Variants in MECOM observed in about 807,000 individuals in gnomAD.
MECOM encodes the protein histone-lysine N-methyltransferase MECOM.
MECOM carries 13 observed loss-of-function variants against 116.3 expected under a neutral mutation model. The observed-to-expected ratio is 0.11, with a 90% CI of 0.07 to 0.18. The LOEUF (loss-of-function observed/expected upper bound fraction) is 0.18, where lower values mean the gene tolerates loss of function less well. Among genes scored for constraint, MECOM ranks in the 10% least tolerant of loss-of-function variants. MECOM has a pLI of 1.00. For synonymous variants in MECOM, 528 were observed against 535.2 expected (o/e 0.99, Z 0.19); for missense variants, 1,299 against 1,509.0 (o/e 0.86, Z 2.31).
intron 2 of MECOM, among the ~76,000 whole-genome samples, chr3:169,167,210 C>T (rs1743734060): frequency 6.6e-6 from 1 of 152,172 alleles, no homozygotes; most frequent in African/African-American, 2.4e-5. Context: ...TTGTTTGTTT[C>T]ATAGTGGCTT....
At chr3:169,627,094 C>T (rs1044198881) in intron 1 of MECOM, among the ~76,000 whole-genome samples, 1 of 152,178 alleles carries the variant, frequency 6.6e-6, no homozygotes. Context: ...AAACAAATTA[C>T]AGCAGTCAAA....
chr3:169,159,491 A>G (rs533107545), intron 2 of MECOM, among the ~76,000 whole-genome samples: 35 of 152,240 alleles, frequency 2.3e-4, no homozygotes, highest in Admixed American at 2.2e-3. Context: ...CCCGGGAGGC[A>G]GAAGTTGCGG....
chr3:169,170,324 C>T (rs76272256), intron 2 of MECOM, among the ~76,000 whole-genome samples: 22,431 of 150,042 alleles, frequency 0.15, 2,024 homozygotes, highest in East Asian at 0.41. Flanking sequence ...GGAGAATCCC[C>T]TGAACCCGGG....
intron 2 of MECOM, among the ~76,000 whole-genome samples, chr3:169,198,848 G>T (rs147858770): frequency 6.6e-6 from 1 of 151,782 alleles, no homozygotes; most frequent in Non-Finnish European, 1.5e-5. Flanking sequence ...AGTGTGCTAC[G>T]GTAACAAATA....
At chr3:169,278,780 C>T (rs893069666) in intron 2 of MECOM, among the ~76,000 whole-genome samples, 6 of 152,344 alleles carry the variant, frequency 3.9e-5, no homozygotes, top group East Asian at 3.9e-4. Context: ...TGATGCATGA[C>T]GAACTCAAGC....
chr3:169,602,385 T>C (rs982672129), intron 1 of MECOM, among the ~76,000 whole-genome samples: 1 of 152,186 alleles, frequency 6.6e-6, no homozygotes, highest in Non-Finnish European at 1.5e-5. Flanking sequence ...GCCTTTATGC[T>C]CAAATAGTAT....
chr3:169,601,091 A>T (rs1050875581), intron 1 of MECOM, among the ~76,000 whole-genome samples: 2 of 152,232 alleles, frequency 1.3e-5, no homozygotes, highest in Non-Finnish European at 2.9e-5. Context: ...TACATGTACC[A>T]TGAAAGCCAG....
chr3:169,172,407 A>ATG (rs5854312), intron 2 of MECOM, among the ~76,000 whole-genome samples: 26,416 of 144,158 alleles, frequency 0.18, 2,561 homozygotes, highest in African/African-American at 0.28. Flanking sequence ...GTACCCTTGT[A>ATG]TGTGTGTGTG....
intron 2 of MECOM, among the ~76,000 whole-genome samples, chr3:169,271,126 G>A (rs372206964): frequency 6.6e-6 from 1 of 152,096 alleles, no homozygotes; most frequent in East Asian, 1.9e-4. Flanking sequence ...GCACCACTAA[G>A]GTTGCAGTTA....
chr3:169,478,895 T>C (rs1163248096), intron 1 of MECOM, among the ~76,000 whole-genome samples: 1 of 152,226 alleles, frequency 6.6e-6, no homozygotes, highest in Non-Finnish European at 1.5e-5. Flanking sequence ...GTTATTGATG[T>C]GGAACACAGT....
At chr3:169,090,291 A>T in intron 14 of MECOM, 55 bp from the exon 15 acceptor site, 1 of 1,488,258 alleles carries the variant, frequency 6.7e-7, no homozygotes, top group Non-Finnish European at 9.1e-7. Context: ...TTAAAATTGT[A>T]ATTTGTTCCT....
chr3:169,626,392 A>G (rs1349697283), intron 1 of MECOM, among the ~76,000 whole-genome samples: 2 of 152,230 alleles, frequency 1.3e-5, no homozygotes, highest in Non-Finnish European at 2.9e-5. Context: ...AGCAGAAGGT[A>G]CCCTGTTGCT....
chr3:169,325,636 A>G (rs1297136287), intron 2 of MECOM, among the ~76,000 whole-genome samples: 1 of 152,248 alleles, frequency 6.6e-6, no homozygotes, highest in African/African-American at 2.4e-5. Context: ...AATGCACTGT[A>G]TCAACTAACA....
intron 2 of MECOM, chr3:169,147,571 T>A (rs749684174): frequency 3.5e-5 from 34 of 985,252 alleles, no homozygotes; most frequent in Non-Finnish European, 4.1e-5. Flanking sequence ...CCAAGTCCTA[T>A]AGGGACAGAC....
At chr3:169,210,229 T>C (rs949750427) in intron 2 of MECOM, among the ~76,000 whole-genome samples, 3 of 152,052 alleles carry the variant, frequency 2.0e-5, no homozygotes, top group African/African-American at 7.2e-5. Flanking sequence ...TAAGCTAATG[T>C]ATGTGGGGCT....
chr3:169,401,384 C>T (rs183671557), intron 1 of MECOM, among the ~76,000 whole-genome samples: 76 of 151,484 alleles, frequency 5.0e-4, no homozygotes, highest in Non-Finnish European at 7.1e-4. Context: ...AGAGTTCTGA[C>T]CATTAATCGT....
chr3:169,145,140 T>C, intron 2 of MECOM: 2 of 666,690 alleles, frequency 3.0e-6, no homozygotes, highest in South Asian at 2.0e-5. Context: ...AGGGATATTA[T>C]TAAACACACA....
intron 2 of MECOM, among the ~76,000 whole-genome samples, chr3:169,194,742 C>T (rs1219166590): frequency 6.6e-6 from 1 of 152,068 alleles, no homozygotes; most frequent in Non-Finnish European, 1.5e-5. Context: ...GAATTTGCCA[C>T]TCCAAGTTGC....
intron 2 of MECOM, among the ~76,000 whole-genome samples, chr3:169,191,756 A>G (rs949169254): frequency 7.4e-6 from 1 of 134,828 alleles, no homozygotes; most frequent in Non-Finnish European, 1.6e-5. Context: ...GAAAGAAAGA[A>G]AGAAAGAAAG....
Sources: gnomAD v4.1 joint callset for allele counts (sites outside exome capture counted in the v4.1 genomes callset) on GRCh38, gnomAD v4.1.1 for gene constraint, MANE v1.5 for transcripts, NCBI Gene and HGNC (gene_info 2026-07-23, HGNC 2026-07-21) for gene names.